Variants in SEPTIN12 observed in about 807,000 individuals in gnomAD.
SEPTIN12 encodes the protein septin-12.
Under a neutral mutation model 37.7 loss-of-function variants are expected in SEPTIN12, and 42 were observed. That is an observed-to-expected ratio of 1.11 (90% CI 0.87 to 1.44). The LOEUF (loss-of-function observed/expected upper bound fraction) is 1.44. SEPTIN12 is among the 40% of genes most tolerant of loss of function. The pLI is 0.00. For synonymous variants in SEPTIN12, 254 were observed against 196.7 expected, an observed-to-expected ratio of 1.29 and a Z score of -2.44; for missense variants, 613 against 479.2, an observed-to-expected ratio of 1.28 and a Z score of -2.61.
At chr16:4,791,545 G>A (rs769113743), upstream of SEPTIN12, among the ~76,000 whole-genome samples, 34 of 152,198 alleles carry the variant, frequency 2.2e-4, no homozygotes, top group African/African-American at 6.5e-4. Flanking sequence ...CTCAGGGAAC[G>A]TTACTCAAGC....
At chr16:4,787,353 TG>T in intron 2 of SEPTIN12, 126 bp downstream of exon 2, 1 of 844,598 alleles carries the variant, frequency 1.2e-6, no homozygotes, top group Non-Finnish European at 2.0e-6. Context: ...AACATCCCTG[TG>T]AGGTGCTATT....
intron 7 of SEPTIN12, 47 bp from the exon 8 acceptor site, chr16:4,779,833 G>T: frequency 7.5e-7 from 1 of 1,331,234 alleles, no homozygotes; most frequent in South Asian, 1.2e-5. Context: ...CTTCGCTGGG[G>T]AGAAGAGAAG....
At chr16:4,791,209 C>T (rs971262283), upstream of SEPTIN12, among the ~76,000 whole-genome samples, 3 of 152,148 alleles carry the variant, frequency 2.0e-5, no homozygotes, top group Non-Finnish European at 4.4e-5. Flanking sequence ...GTAGGGACTG[C>T]ACCATGTAAG....
rs1258966539 is a variant in SEPTIN12, at chr16:4,777,608, A to G, written c.*189T>C. 1.8e-6 allele frequency: 1 copy of G among 564,336 alleles called. No homozygotes were observed. Among genetic ancestry groups the G allele is most frequent in the Non-Finnish European group, 3.1e-6 (1 of 319,670 alleles). 35.0% of individuals were successfully genotyped at this position (564,336 alleles called of 1,614,324 possible). ...GCGCCACTGTACTCCAGCCTGGGTA[A>G]CAGAGTGACACCCAGCCTTTTTATT... On this transcript the variant is annotated 3_prime_UTR_variant, in exon 10 of 10. Coordinates refer to ENST00000268231, the MANE Select transcript of SEPTIN12 (RefSeq NM_144605.5).
chr16:4,790,499 C>A (rs1415713307), upstream of SEPTIN12, among the ~76,000 whole-genome samples: 2 of 152,108 alleles, frequency 1.3e-5, no homozygotes, highest in Non-Finnish European at 2.9e-5. Context: ...GGCTTAGAGG[C>A]TAGGGGTCAG....
chr16:4,790,194 C>T (rs1369070556), upstream of SEPTIN12: 2 of 152,160 alleles, frequency 1.3e-5, no homozygotes, highest in African/African-American at 4.8e-5. Flanking sequence ...CACACTCAGG[C>T]TGGCAAGTGT....
chr16:4,786,801 A>T (rs114067397), intron 2 of SEPTIN12, among the ~76,000 whole-genome samples: 2,331 of 152,156 alleles, frequency 0.015, 55 homozygotes, highest in African/African-American at 0.053. Flanking sequence ...GCATGTCACC[A>T]TGCCTGGCTA....
intron 4 of SEPTIN12, among the ~76,000 whole-genome samples, chr16:4,784,782 T>A (rs1005878198): frequency 1.6e-5 from 2 of 128,526 alleles, no homozygotes; most frequent in African/African-American, 4.5e-5. Context: ...AATAAATAAA[T>A]AAATAAATAA....
At chr16:4,790,674 G>C (rs2082537589), upstream of SEPTIN12, among the ~76,000 whole-genome samples, 1 of 152,190 alleles carries the variant, frequency 6.6e-6, no homozygotes, top group Admixed American at 6.6e-5. Flanking sequence ...TGTAGTCGCA[G>C]CTACTTGGGA....
At chr16:4,784,686 T>C (rs1402567716) in intron 4 of SEPTIN12, among the ~76,000 whole-genome samples, 1 of 151,328 alleles carries the variant, frequency 6.6e-6, no homozygotes, top group African/African-American at 2.4e-5. Context: ...AGGAGGGTCC[T>C]TGAGCTTGGG....
upstream of SEPTIN12, among the ~76,000 whole-genome samples, chr16:4,791,606 C>CT (rs1251796722): frequency 1.3e-5 from 2 of 152,190 alleles, no homozygotes; most frequent in Non-Finnish European, 2.9e-5. Flanking sequence ...GTCCAGAAGT[C>CT]TGACTCACCG....
At position 4,785,839 on chromosome 16, in the gene SEPTIN12, G is replaced by A. The variant is rs758001956; in HGVS notation, c.342C>T (p.Pro114=). The A allele has an allele frequency of 2.6e-5, 42 of 1,612,966 alleles. No individual in the cohort carries two copies. Among genetic ancestry groups the A allele is most frequent in the Admixed American group, 2.3e-4 (14 of 59,900 alleles). The change falls in exon 4 of 10, where the codon CCC becomes CCT. Residue 114 remains proline (P), a synonymous_variant. Transcript: ENST00000268231. The part of the protein sequence containing the change: ...VKLKLTVTDT[P]GFGDQINNDN... Reference sequence around the variant, plus strand: ...CATTGTTGATCTGGTCCCCGAAGCCGGGCGTGTCCGTCACCGTCAGCTTCA... The same window carrying A: ...CATTGTTGATCTGGTCCCCGAAGCCAGGCGTGTCCGTCACCGTCAGCTTCA...
Position 4,783,498 on chromosome 16 carries a change from C to T in SEPTIN12, c.690G>A (p.Glu230=), listed in dbSNP as rs144953080. 3 of 1,614,058 alleles carry T rather than the reference C, an allele frequency of 1.9e-6. No homozygotes were observed. Among genetic ancestry groups the T allele is most frequent in the Admixed American group, 1.7e-5 (1 of 59,998 alleles). The part of the protein sequence containing the change: ...IDVYPQMCFD[E]DINDKILNSK... ...TGTTGAGGATTTTGTCATTGATGTC[C>T]TCGTCAAAGCACATCTGGGGGTAGA... is the stretch of plus-strand genomic sequence containing the variant. Residue 230 remains glutamate, a synonymous_variant, in exon 7 of 10, where the codon GAG becomes GAA. Transcript: ENST00000268231.
At chr16:4,784,800 A>G (rs1270554164) in intron 4 of SEPTIN12, among the ~76,000 whole-genome samples, 1 of 150,704 alleles carries the variant, frequency 6.6e-6, no homozygotes, top group Non-Finnish European at 1.5e-5. Flanking sequence ...TAAATAAATA[A>G]ATAAATAAAT....
intron 4 of SEPTIN12, 107 bp from the exon 5 acceptor site, chr16:4,784,175 C>A (rs937761537): frequency 2.6e-5 from 34 of 1,322,818 alleles, no homozygotes; most frequent in Non-Finnish European, 3.2e-5. Context: ...GACGAATCGT[C>A]CCGGTTGGCC....
intron 2 of SEPTIN12, among the ~76,000 whole-genome samples, chr16:4,786,656 T>C (rs1236845360): frequency 6.6e-6 from 1 of 150,748 alleles, no homozygotes; most frequent in Non-Finnish European, 1.5e-5. Flanking sequence ...CACCCGGCCT[T>C]GCACTGTTTT....
rs2082434960 is a variant in SEPTIN12 at position 4,785,882 on chromosome 16, T to G, written c.299A>C (p.Glu100Ala). Residue 100 changes from glutamate to alanine, a missense_variant, in exon 4 of 10, where the codon GAG becomes GCG. Glu to Ala is a moderately radical substitution (Grantham distance 107, BLOSUM62 -1). Transcript: ENST00000268231. Reference sequence around the variant, plus strand: ...CAGCTTCAGCTTCACACCCTTCTCCTCTATGACTGTGGAGGGAGAGCAGAG... The same window carrying G: ...CAGCTTCAGCTTCACACCCTTCTCCGCTATGACTGTGGAGGGAGAGCAGAG... Reference protein sequence around the residue: ...LQLHSLTHVIEEKGVKLKLTV... With the variant: ...LQLHSLTHVIAEKGVKLKLTV... 1.9e-6 allele frequency: 3 copies of G among 1,609,878 alleles called. No individual in the cohort carries two copies.
chr16:4,786,708 A>G (rs888233548), intron 2 of SEPTIN12, among the ~76,000 whole-genome samples: 2 of 151,432 alleles, frequency 1.3e-5, no homozygotes, highest in Non-Finnish European at 2.9e-5. Context: ...CCCAGACTCA[A>G]GTGATCGCAG....
chr16:4,784,218 C>G, intron 4 of SEPTIN12, 150 bp from the exon 5 acceptor site: 3 of 746,854 alleles, frequency 4.0e-6, no homozygotes, highest in East Asian at 2.6e-5. Flanking sequence ...TACTTTCCCC[C>G]ACTTCCCTGC....
Sources: gnomAD v4.1 joint callset for allele counts (sites outside exome capture counted in the v4.1 genomes callset) on GRCh38, gnomAD v4.1.1 for gene constraint, MANE v1.5 for transcripts, NCBI Gene and HGNC (gene_info 2026-07-23, HGNC 2026-07-21) for gene names.